Variants in MGAT4C observed in about 807,000 individuals in gnomAD.
The protein encoded by MGAT4C is alpha-1,3-mannosyl-glycoprotein 4-beta-N-acetylglucosaminyltransferase C.
In MGAT4C, 19 loss-of-function variants were observed where a neutral mutation model predicts 40.1. That is an observed-to-expected ratio of 0.47 (90% CI 0.33 to 0.70). The LOEUF is 0.70. MGAT4C is among the 30% of genes least tolerant of loss of function. MGAT4C has a pLI of 0.02. For missense variants in MGAT4C, 491 were observed against 563.2 expected, an observed-to-expected ratio of 0.87 and a Z score of 1.30; for synonymous variants, 181 against 187.1, an observed-to-expected ratio of 0.97 and a Z score of 0.27.
At chr12:86,171,315 G>A (rs1566085982) in intron 1 of MGAT4C, among the ~76,000 whole-genome samples, 1 of 152,318 alleles carries the variant, frequency 6.6e-6, no homozygotes, top group East Asian at 1.9e-4. Context: ...GTTGCGGTGA[G>A]CTGAGATTGT....
chr12:86,358,567 C>T (rs7963261), intron 3 of MGAT4C, among the ~76,000 whole-genome samples: 135,291 of 152,216 alleles, frequency 0.89, 60,319 homozygotes, highest in East Asian at 1. Flanking sequence ...ATCAGTGTGC[C>T]GTATTCAGGA....
At chr12:86,167,933 T>C (rs1032125688) in intron 1 of MGAT4C, among the ~76,000 whole-genome samples, 1 of 152,172 alleles carries the variant, frequency 6.6e-6, no homozygotes, top group Non-Finnish European at 1.5e-5. Context: ...TTGAGTCAAA[T>C]AGTGAATAAG....
At chr12:86,778,307 G>A (rs1033442315) in intron 1 of MGAT4C, among the ~76,000 whole-genome samples, 13 of 152,112 alleles carry the variant, frequency 8.5e-5, no homozygotes, top group African/African-American at 3.1e-4. Flanking sequence ...GGGAGAATAA[G>A]CTGCGTAAAT....
At chr12:86,518,363 A>G (rs910517954) in intron 2 of MGAT4C, among the ~76,000 whole-genome samples, 1 of 152,216 alleles carries the variant, frequency 6.6e-6, no homozygotes, top group African/African-American at 2.4e-5. Context: ...AATAAGACAA[A>G]GTAAAGAAAT....
chr12:86,307,712 A>G (rs892669909), intron 4 of MGAT4C, among the ~76,000 whole-genome samples: 7 of 149,312 alleles, frequency 4.7e-5, no homozygotes, highest in Non-Finnish European at 8.8e-5. Context: ...TTATTTATTT[A>G]TTTTTTTTGA....
chr12:86,436,231 G>A (rs1402728903), intron 2 of MGAT4C, among the ~76,000 whole-genome samples: 1 of 142,236 alleles, frequency 7.0e-6, no homozygotes, highest in Non-Finnish European at 1.6e-5. Context: ...TTAAGCAAGT[G>A]CAACAAAACA....
At position 85,977,362 on chromosome 12, in the gene MGAT4C, C is replaced by T. The variant is rs1270820317; in HGVS notation, c.*1927G>A. On this transcript the variant is annotated 3_prime_UTR_variant, in exon 5 of 5. Coordinates refer to ENST00000611864, the MANE Select transcript of MGAT4C (RefSeq NM_001351288.2). ...TATACACACAATACTATCAACTAGC[C>T]GGTTAATAAAAGATAAGAAAAATAA... 4 of 151,142 alleles carry T rather than the reference C, an allele frequency of 2.6e-5. No individual in the cohort carries two copies. The highest frequency in any genetic ancestry group is 1.9e-4 in the East Asian group (1 of 5,172). 9.4% of individuals were successfully genotyped at this position (151,142 alleles called of 1,614,324 possible).
At chr12:86,501,126 T>A (rs1286671493) in intron 2 of MGAT4C, among the ~76,000 whole-genome samples, 1 of 152,028 alleles carries the variant, frequency 6.6e-6, no homozygotes, top group Non-Finnish European at 1.5e-5. Flanking sequence ...TTTAATTGTA[T>A]AGCCACATTG....
chr12:86,264,419 G>C (rs909534520), intron 4 of MGAT4C, among the ~76,000 whole-genome samples: 4 of 151,652 alleles, frequency 2.6e-5, no homozygotes, highest in Non-Finnish European at 5.9e-5. Context: ...CGTTTTGATT[G>C]CAGGAGAGGC....
intron 2 of MGAT4C, among the ~76,000 whole-genome samples, chr12:86,649,170 G>A (rs1349665669): frequency 6.6e-6 from 1 of 151,690 alleles, no homozygotes; most frequent in Non-Finnish European, 1.5e-5. Context: ...ACCTACAAAA[G>A]TGTTACTTCT....
At chr12:86,322,224 G>A (rs1360080069) in intron 4 of MGAT4C, among the ~76,000 whole-genome samples, 8 of 120,670 alleles carry the variant, frequency 6.6e-5, no homozygotes, top group African/African-American at 2.1e-4. Flanking sequence ...GGCCTGTCGT[G>A]GGGTGGGGGG....
At chr12:86,764,325 T>C (rs538917406) in intron 1 of MGAT4C, among the ~76,000 whole-genome samples, 46 of 152,208 alleles carry the variant, frequency 3.0e-4, no homozygotes, top group African/African-American at 1.0e-3. Context: ...GTGCCCGCCA[T>C]TGCCCAGGCT....
intron 4 of MGAT4C, among the ~76,000 whole-genome samples, chr12:86,293,633 T>A (rs1007484198): frequency 5.3e-5 from 8 of 152,196 alleles, no homozygotes; most frequent in Non-Finnish European, 1.2e-4. Context: ...CATTATGATA[T>A]GTTTGTAGCT....
chr12:86,340,213 T>C (rs1327534567), intron 3 of MGAT4C, among the ~76,000 whole-genome samples: 1 of 152,174 alleles, frequency 6.6e-6, no homozygotes. Context: ...ATAACATAAT[T>C]TATATCTTCA....
At chr12:86,331,328 G>T (rs1954663413) in intron 4 of MGAT4C, among the ~76,000 whole-genome samples, 1 of 152,114 alleles carries the variant, frequency 6.6e-6, no homozygotes, top group Non-Finnish European at 1.5e-5. Flanking sequence ...TGCATGAGCA[G>T]TGTGTTTACT....
At chr12:86,614,116 G>C (rs1317431941) in intron 2 of MGAT4C, among the ~76,000 whole-genome samples, 3 of 152,104 alleles carry the variant, frequency 2.0e-5, no homozygotes, top group African/African-American at 7.2e-5. Flanking sequence ...AAAGTAATTA[G>C]ATAAAATATT....
At chr12:86,060,162 A>T (rs1893799018) in intron 1 of MGAT4C, among the ~76,000 whole-genome samples, 1 of 152,224 alleles carries the variant, frequency 6.6e-6, no homozygotes, top group Non-Finnish European at 1.5e-5. Flanking sequence ...CAAGGGCTCT[A>T]CTAAGCTTTC....
intron 1 of MGAT4C, among the ~76,000 whole-genome samples, chr12:86,115,248 A>T (rs1472383092): frequency 6.6e-6 from 1 of 152,004 alleles, no homozygotes; most frequent in African/African-American, 2.4e-5. Context: ...CAATGTGGAG[A>T]TAATGATATT....
intron 2 of MGAT4C, among the ~76,000 whole-genome samples, chr12:86,685,787 G>A (rs1333883597): frequency 1.3e-5 from 2 of 151,506 alleles, no homozygotes; most frequent in African/African-American, 4.8e-5. Flanking sequence ...TATTCTCTTT[G>A]TAGCAATTGT....
Sources: allele counts gnomAD v4.1 joint callset (sites outside exome capture counted in the v4.1 genomes callset), GRCh38; gene constraint gnomAD v4.1.1; transcripts MANE v1.5; gene names NCBI Gene and HGNC (gene_info 2026-07-23, HGNC 2026-07-21).